COL24A1: variants seen among roughly 807,000 people sequenced by gnomAD.
The protein encoded by COL24A1 is collagen type XXIV alpha 1 chain.
COL24A1 carries 224 observed loss-of-function variants against 253.9 expected under a neutral mutation model. That is an observed-to-expected ratio of 0.88 (90% CI 0.79 to 0.99). The LOEUF (loss-of-function observed/expected upper bound fraction) is 0.99. Among genes scored for constraint, COL24A1 ranks in the 50% least tolerant of loss-of-function variants. The pLI is 0.00. For missense variants in COL24A1, 2,131 were observed against 2,068.5 expected (o/e 1.03, Z -0.59); for synonymous variants, 685 against 673.7 (o/e 1.02, Z -0.26).
chr1:86,001,676 A>T (rs1199749516), intron 19 of COL24A1, among the ~76,000 whole-genome samples: 1 of 152,176 alleles, frequency 6.6e-6, no homozygotes, highest in Non-Finnish European at 1.5e-5. Flanking sequence ...TTTGATGGGA[A>T]GGGCAAATTA....
intron 6 of COL24A1, 109 bp downstream of exon 6, chr1:86,092,158 A>T: frequency 1.3e-6 from 1 of 781,566 alleles, no homozygotes; most frequent in Non-Finnish European, 2.0e-6. Context: ...ATTAATTCTC[A>T]TGTTTTTTTC....
At chr1:85,776,363 CT>C (rs968900552) in intron 52 of COL24A1, among the ~76,000 whole-genome samples, 2 of 152,092 alleles carry the variant, frequency 1.3e-5, no homozygotes, top group African/African-American at 4.8e-5. Flanking sequence ...ATAACATCTT[CT>C]ATTTTGGTGA....
chr1:85,811,014 G>C (rs1558213294), intron 47 of COL24A1, among the ~76,000 whole-genome samples: 1 of 152,126 alleles, frequency 6.6e-6, no homozygotes, highest in Non-Finnish European at 1.5e-5. Flanking sequence ...GGGTTTGCCA[G>C]TATCATAGGT....
chr1:86,007,152 C>T (rs775948477), intron 19 of COL24A1, among the ~76,000 whole-genome samples: 17 of 152,106 alleles, frequency 1.1e-4, no homozygotes, highest in Non-Finnish European at 2.2e-4. Flanking sequence ...GAGGTTGAGG[C>T]GACAGTGAGC....
At chr1:85,762,606 A>AT (rs767291831) in intron 53 of COL24A1, among the ~76,000 whole-genome samples, 2 of 152,214 alleles carry the variant, frequency 1.3e-5, no homozygotes, top group Non-Finnish European at 2.9e-5. Flanking sequence ...TTATCAACCA[A>AT]TGCATATATC....
At chr1:85,981,281 T>C (rs1021181255) in intron 20 of COL24A1, among the ~76,000 whole-genome samples, 3 of 152,176 alleles carry the variant, frequency 2.0e-5, no homozygotes, top group Non-Finnish European at 4.4e-5. Flanking sequence ...ATGGTACTGG[T>C]ATAAAATTAG....
At chr1:86,091,947 T>C (rs1036042317) in intron 6 of COL24A1, among the ~76,000 whole-genome samples, 3 of 152,100 alleles carry the variant, frequency 2.0e-5, no homozygotes, top group African/African-American at 4.8e-5. Context: ...TGTACATATG[T>C]ATTAACAGCA....
intron 57 of COL24A1, among the ~76,000 whole-genome samples, chr1:85,739,108 A>G (rs977862756): frequency 6.6e-6 from 1 of 152,196 alleles, no homozygotes; most frequent in East Asian, 1.9e-4. Context: ...TGAATATTTC[A>G]TAAAGTTTTT....
At chr1:86,057,651 T>G (rs985773886) in intron 10 of COL24A1, among the ~76,000 whole-genome samples, 4 of 152,218 alleles carry the variant, frequency 2.6e-5, no homozygotes, top group African/African-American at 4.8e-5. Flanking sequence ...CTGTATCCAT[T>G]CATATATAAA....
At chr1:86,066,338 G>A (rs1302142892) in intron 7 of COL24A1, among the ~76,000 whole-genome samples, 5 of 146,940 alleles carry the variant, frequency 3.4e-5, no homozygotes, top group Admixed American at 2.8e-4. Flanking sequence ...TCCCGGGTTC[G>A]CGCCATTCTC....
At chr1:86,041,187 G>C (rs536578847) in intron 12 of COL24A1, among the ~76,000 whole-genome samples, 1 of 152,076 alleles carries the variant, frequency 6.6e-6, no homozygotes, top group Non-Finnish European at 1.5e-5. Flanking sequence ...ACCATTCTAG[G>C]CTGTGATATT....
intron 32 of COL24A1, among the ~76,000 whole-genome samples, chr1:85,880,465 A>G (rs554504536): frequency 6.6e-6 from 1 of 152,298 alleles, no homozygotes; most frequent in East Asian, 1.9e-4. Flanking sequence ...CCATATACAA[A>G]GAAAGACAGT....
chr1:86,136,643 C>T (rs1205410280), intron 2 of COL24A1, among the ~76,000 whole-genome samples: 1 of 151,990 alleles, frequency 6.6e-6, no homozygotes. Flanking sequence ...GGTAGCGATG[C>T]ATTTGAGCCC....
rs1221711850 is a variant in COL24A1 at position 85,799,282 on chromosome 1, G to A, written c.3952-12821C>T. 2.4e-5 allele frequency among the ~76,000 whole-genome samples: 3 copies of A among 123,490 alleles called. No individual in the cohort carries two copies. In the East Asian group the frequency reaches 8.2e-4, roughly 34 times the overall value. The allele number at this position is 123,490 out of a possible 152,430, so 81.0% of individuals were successfully genotyped here. A position where few individuals can be genotyped will look rare whatever the true frequency, so the allele number is the denominator to read the frequency against. The stretch of plus-strand genomic sequence containing the variant: ...GAACATTGTTTAGGAAAATCAGGCA[G>A]TTGCATAATGCTAAAAATCCCAGAA... On this transcript the variant is annotated intron_variant, in intron 47 of 59. Transcript: ENST00000370571.
In COL24A1 at chr1:86,115,370, A is replaced by G; in HGVS notation, c.1500T>C (p.Pro500=). 6.2e-7 allele frequency: 1 copy of G among 1,613,918 alleles called. No individual in the cohort carries two copies. Among genetic ancestry groups the G allele is most frequent in the Non-Finnish European group, 8.5e-7 (1 of 1,179,882 alleles). Reference sequence around the variant, plus strand: ...ACGGACCTGGGATACCTGCTGGACCAGGTGGACCCTTGGAAAACAAATGTC... The same window carrying G: ...ACGGACCTGGGATACCTGCTGGACCGGGTGGACCCTTGGAAAACAAATGTC... ...PKGDTGPPGP[P]GPAGIPGPSG... The change falls in exon 4 of 60, where the codon CCT becomes CCC. Residue 500 remains proline, a synonymous_variant. Coordinates refer to ENST00000370571, the MANE Select transcript of COL24A1 (RefSeq NM_152890.7).
chr1:85,848,023 C>T (rs80059966), intron 38 of COL24A1, among the ~76,000 whole-genome samples: 3,404 of 152,068 alleles, frequency 0.022, 75 homozygotes, highest in Middle Eastern at 0.078. Flanking sequence ...TCCAAATAAC[C>T]GTTTTTTACT....
chr1:85,763,571 AAT>A (rs1399363390), intron 53 of COL24A1, among the ~76,000 whole-genome samples: 1 of 143,328 alleles, frequency 7.0e-6, no homozygotes, highest in African/African-American at 2.6e-5. Context: ...GGCTCACTGC[AAT>A]CTCTGCCTCC....
intron 19 of COL24A1, among the ~76,000 whole-genome samples, chr1:85,988,265 T>C (rs1291834923): frequency 6.6e-6 from 1 of 152,012 alleles, no homozygotes; most frequent in African/African-American, 2.4e-5. Context: ...CATCATTAAT[T>C]AATAAATTGA....
chr1:85,983,545 G>A (rs936968249), intron 20 of COL24A1, among the ~76,000 whole-genome samples: 2 of 151,740 alleles, frequency 1.3e-5, no homozygotes, highest in South Asian at 2.1e-4. Context: ...TTGCAAATAG[G>A]GTAACCATGT....
Sources: gnomAD v4.1 joint callset for allele counts (sites outside exome capture counted in the v4.1 genomes callset) on GRCh38, gnomAD v4.1.1 for gene constraint, MANE v1.5 for transcripts, NCBI Gene and HGNC (gene_info 2026-07-23, HGNC 2026-07-21) for gene names.